Variants in GRIA1 observed in about 807,000 individuals in gnomAD.
GRIA1 encodes the protein glutamate receptor 1.
Under a neutral mutation model 99.2 loss-of-function variants are expected in GRIA1, and 31 were observed. The ratio of observed to expected loss-of-function variants is 0.31; its 90% CI spans 0.23 to 0.42. The LOEUF is 0.42. GRIA1 is among the 10% of genes least tolerant of loss of function. GRIA1 has a pLI of 1.00. For missense variants in GRIA1, 782 were observed against 1,157.5 expected, an observed-to-expected ratio of 0.68 and a Z score of 4.71; for synonymous variants, 438 against 432.4, an observed-to-expected ratio of 1.01 and a Z score of -0.16.
chr5:153,624,750 G>T (rs1183219275), intron 2 of GRIA1, among the ~76,000 whole-genome samples: 2 of 152,176 alleles, frequency 1.3e-5, no homozygotes, highest in African/African-American at 4.8e-5. Flanking sequence ...ATCCCTACCA[G>T]ATTAGATAAT....
chr5:153,527,441 T>C (rs1486344822), intron 2 of GRIA1, among the ~76,000 whole-genome samples: 1 of 152,188 alleles, frequency 6.6e-6, no homozygotes, highest in Non-Finnish European at 1.5e-5. Flanking sequence ...GGCAGACATG[T>C]GGGCTTAATT....
rs1347255893 is a variant in GRIA1, at chr5:153,646,948, G to T, written c.241G>T (p.Gly81Ter). ...TYRFCSQFSK[G>*]VYAIFGFYER... ...TGTAGTCTGTTCCCAGTTCTCCAAAGGAGTCTATGCCATCTTTGGGTTTTA... is the reference window on the plus strand; with the variant it reads ...TGTAGTCTGTTCCCAGTTCTCCAAATGAGTCTATGCCATCTTTGGGTTTTA... The change falls in exon 3 of 16, where the codon GGA becomes TGA. Residue 81 changes from glycine to a stop codon, truncating the protein, a stop_gained. Transcript: ENST00000285900. LOFTEE classifies it high-confidence loss of function. The T allele has an allele frequency of 6.2e-7, 1 of 1,613,810 alleles. No homozygotes were observed. The highest frequency in any genetic ancestry group is 8.5e-7 in the Non-Finnish European group (1 of 1,179,806).
At chr5:153,725,816 T>G in intron 11 of GRIA1, among the ~76,000 whole-genome samples, 1 of 123,076 alleles carries the variant, frequency 8.1e-6, no homozygotes, top group African/African-American at 3.2e-5. Context: ...CCACTGTCAA[T>G]GTTAGACAGA....
At chr5:153,537,859 C>T (rs1440589103) in intron 2 of GRIA1, among the ~76,000 whole-genome samples, 1 of 152,144 alleles carries the variant, frequency 6.6e-6, no homozygotes, top group Non-Finnish European at 1.5e-5. Context: ...TTTTTAATAA[C>T]CACTGGAAAA....
chr5:153,627,153 T>C (rs1361911707), intron 2 of GRIA1, among the ~76,000 whole-genome samples: 12 of 152,166 alleles, frequency 7.9e-5, no homozygotes, highest in Non-Finnish European at 1.8e-4. Flanking sequence ...ATGTTATTTA[T>C]AAAACAATAA....
intron 2 of GRIA1, among the ~76,000 whole-genome samples, chr5:153,645,202 G>A (rs1341321505): frequency 6.6e-6 from 1 of 152,134 alleles, no homozygotes; most frequent in Admixed American, 6.5e-5. Context: ...CAAGAATTGT[G>A]TGAAACCAGA....
chr5:153,692,261 A>T (rs980529486), intron 8 of GRIA1, among the ~76,000 whole-genome samples: 2 of 151,968 alleles, frequency 1.3e-5, no homozygotes, highest in African/African-American at 4.8e-5. Context: ...TTTCCTTTTT[A>T]TTTGTACTTT....
intron 11 of GRIA1, among the ~76,000 whole-genome samples, chr5:153,714,564 C>G (rs559286600): frequency 5.3e-5 from 8 of 152,286 alleles, no homozygotes; most frequent in African/African-American, 1.2e-4. Flanking sequence ...TTCCCAGAGA[C>G]GACCTCTTGT....
intron 13 of GRIA1, among the ~76,000 whole-genome samples, chr5:153,787,768 C>T (rs1243765169): frequency 2.6e-5 from 4 of 152,104 alleles, no homozygotes; most frequent in South Asian, 2.1e-4. Context: ...CTTCCAGATT[C>T]GCCTCTTCCC....
intron 2 of GRIA1, among the ~76,000 whole-genome samples, chr5:153,591,737 T>C (rs1221609809): frequency 6.6e-6 from 1 of 152,106 alleles, no homozygotes; most frequent in Non-Finnish European, 1.5e-5. Flanking sequence ...AAGGAAGGCA[T>C]TTAAAAAGCA....
intron 2 of GRIA1, among the ~76,000 whole-genome samples, chr5:153,592,875 A>G (rs1764089986): frequency 6.6e-6 from 1 of 152,216 alleles, no homozygotes; most frequent in Non-Finnish European, 1.5e-5. Context: ...TTCTTGCTGC[A>G]TCTTTGCATG....
At chr5:153,557,580 T>G (rs984234627) in intron 2 of GRIA1, among the ~76,000 whole-genome samples, 1 of 152,246 alleles carries the variant, frequency 6.6e-6, no homozygotes, top group Non-Finnish European at 1.5e-5. Flanking sequence ...TATATCCCTA[T>G]GCTATAAGCT....
intron 2 of GRIA1, among the ~76,000 whole-genome samples, chr5:153,538,276 A>G (rs1758763397): frequency 6.6e-6 from 1 of 152,182 alleles, no homozygotes. Context: ...CATTTTTAAC[A>G]GTTTATTGAG....
intron 2 of GRIA1, among the ~76,000 whole-genome samples, chr5:153,629,032 G>C (rs1752734029): frequency 6.6e-6 from 1 of 152,198 alleles, no homozygotes; most frequent in Non-Finnish European, 1.5e-5. Context: ...CTCCAGCCCA[G>C]GGACAGGAAG....
chr5:153,503,673 A>G (rs372052296), intron 2 of GRIA1, among the ~76,000 whole-genome samples: 1 of 152,198 alleles, frequency 6.6e-6, no homozygotes, highest in African/African-American at 2.4e-5. Context: ...ATTTCTTTTC[A>G]TTTATGATTC....
At chr5:153,489,832 C>T (rs918747556), upstream of GRIA1, 2 of 456,552 alleles carry the variant, frequency 4.4e-6, no homozygotes, top group Non-Finnish European at 8.8e-6. Context: ...CATGTAATTG[C>T]TCTGTGTAAG....
intron 1 of GRIA1, among the ~76,000 whole-genome samples, chr5:153,493,643 G>A (rs1754133428): frequency 6.6e-6 from 1 of 152,168 alleles, no homozygotes; most frequent in African/African-American, 2.4e-5. Flanking sequence ...AAGAGAAATG[G>A]CACAAGTCTC....
intron 11 of GRIA1, among the ~76,000 whole-genome samples, chr5:153,730,903 G>A (rs1340750895): frequency 6.6e-6 from 1 of 152,052 alleles, no homozygotes; most frequent in Non-Finnish European, 1.5e-5. Flanking sequence ...GCCAAACCCT[G>A]TAACCTAGCT....
At chr5:153,671,153 A>G (rs1326708648) in intron 5 of GRIA1, among the ~76,000 whole-genome samples, 1 of 152,196 alleles carries the variant, frequency 6.6e-6, no homozygotes, top group Non-Finnish European at 1.5e-5. Context: ...GTTTGGCTGC[A>G]CTAACCTTGT....
Sources: allele counts gnomAD v4.1 joint callset (sites outside exome capture counted in the v4.1 genomes callset), GRCh38; gene constraint gnomAD v4.1.1; transcripts MANE v1.5; gene names NCBI Gene and HGNC (gene_info 2026-07-23, HGNC 2026-07-21).